The following HAO2 variants were observed in gnomAD, a reference collection of about 807,000 sequenced individuals.
HAO2 encodes 2-Hydroxyacid oxidase 2.
Under a neutral mutation model 37.4 loss-of-function variants are expected in HAO2, and 42 were observed. The ratio of observed to expected loss-of-function variants is 1.12; its 90% CI spans 0.88 to 1.45. The LOEUF (loss-of-function observed/expected upper bound fraction) is 1.45. HAO2 is among the 40% of genes most tolerant of loss of function. The pLI, the probability that HAO2 is intolerant of heterozygous loss-of-function variation, is 0.00. For missense variants in HAO2, 476 were observed against 430.2 expected (o/e 1.11, Z -0.94); for synonymous variants, 180 against 162.8 (o/e 1.11, Z -0.81).
At chr1:119,392,522 A>G (rs1174172259) in intron 6 of HAO2, 96 bp from the exon 7 acceptor site, 3 of 869,864 alleles carry the variant, frequency 3.4e-6, no homozygotes, top group East Asian at 2.4e-5. Context: ...CATCTTTCCC[A>G]TTATAGCTCT....
rs1557847151 is a variant in HAO2 at position 119,381,080 on chromosome 1, C to T, written c.-6C>T. 4 of 1,613,282 alleles carry T rather than the reference C, an allele frequency of 2.5e-6. No homozygotes were observed. Among genetic ancestry groups the T allele is most frequent in the Non-Finnish European group, 3.4e-6 (4 of 1,179,256 alleles). The stretch of plus-strand genomic sequence containing the variant: ...TGGTTTTGTTTTCTCCTTGGAAGGT[C>T]CAGAAATGTCCTTGGTGTGTTTGAC... On this transcript the variant is annotated splice_region_variant and 5_prime_UTR_variant, in exon 2 of 8. Coordinates refer to ENST00000325945, the MANE Select transcript of HAO2 (RefSeq NM_016527.4).
Position 119,374,215 on chromosome 1 carries a change from C to T in HAO2, c.-9+5313C>T, listed in dbSNP as rs951987593. On this transcript the variant is annotated intron_variant, in intron 1 of 7. Transcript: ENST00000325945. ...CAGTCACAGGAGCATTTTCCAGTGC[C>T]ATTGATTCATGTCTTCCCTGAACCC... Among the ~76,000 whole-genome samples the T allele has an allele frequency of 5.3e-5, 8 of 152,214 alleles. No individual in the cohort carries two copies. The South Asian group carries it at 1.7e-3, about 32-fold the overall frequency.
chr1:119,387,052 C>T (rs1650447222), intron 5 of HAO2, among the ~76,000 whole-genome samples: 2 of 152,144 alleles, frequency 1.3e-5, no homozygotes, highest in African/African-American at 4.8e-5. Context: ...ATCTCTAAGT[C>T]TCATGCCAAT....
At chr1:119,385,880 A>C in intron 4 of HAO2, 3 of 984,838 alleles carry the variant, frequency 3.0e-6, no homozygotes, top group Non-Finnish European at 3.6e-6. Context: ...TTTGATGTAC[A>C]TGGTGAGCCA....
In HAO2 at chr1:119,384,897, G is replaced by A. The variant is rs1650256728; in HGVS notation, c.405G>A (p.Leu135=). 6.2e-7 allele frequency: 1 copy of A among 1,613,892 alleles called. No individual in the cohort carries two copies. Among genetic ancestry groups the A allele is most frequent in the South Asian group, 1.1e-5 (1 of 91,080 alleles). The stretch of plus-strand genomic sequence containing the variant: ...TCCAACTCTATGTGCATCCAGACCT[G>A]CAGCTGAACAAACAGTTGATCCAGA... ...RWFQLYVHPD[L]QLNKQLIQRV... is the part of the protein sequence containing the mutation. Residue 135 remains leucine (L), a synonymous_variant, in exon 4 of 8, where the codon CTG becomes CTA. Coordinates refer to ENST00000325945, the MANE Select transcript of HAO2 (RefSeq NM_016527.4).
At position 119,393,947 on chromosome 1, in the gene HAO2, C is replaced by G; in HGVS notation, c.*107C>G. 6.3e-7 allele frequency: 1 copy of G among 1,577,904 alleles called. No homozygotes were observed. Among genetic ancestry groups the G allele is most frequent in the African/African-American group, 1.3e-5 (1 of 74,112 alleles). On this transcript the variant is annotated 3_prime_UTR_variant, in exon 8 of 8. Coordinates refer to ENST00000325945, the MANE Select transcript of HAO2 (RefSeq NM_016527.4). ...TCCTGGACCCCATTCTGTCCGGAGGCTCATGGCCCATATTTCCCACATTTC... is the reference window on the plus strand; with the variant it reads ...TCCTGGACCCCATTCTGTCCGGAGGGTCATGGCCCATATTTCCCACATTTC...
rs1480350665 is a variant in HAO2 at position 119,386,657 on chromosome 1, C to T, written c.597C>T (p.Ile199=). 4 of 1,612,034 alleles carry T rather than the reference C, an allele frequency of 2.5e-6. No individual in the cohort carries two copies. In the African/African-American group the frequency reaches 5.3e-5, roughly 22 times the overall value. Residue 199 remains isoleucine, a synonymous_variant, in exon 5 of 8, where the codon ATC becomes ATT. Transcript: ENST00000325945. Reference sequence around the variant, plus strand: ...TACCTTATTTCCAGATGACTCCTATCAGCACTTCTCTCTGCTGGAATGATC... The same window carrying T: ...TACCTTATTTCCAGATGACTCCTATTAGCACTTCTCTCTGCTGGAATGATC... ...NAIPYFQMTP[I]STSLCWNDLS... is the part of the protein sequence containing the mutation.
chr1:119,386,537 A>G, intron 4 of HAO2, 85 bp from the exon 5 acceptor site: 1 of 829,664 alleles, frequency 1.2e-6, no homozygotes, highest in South Asian at 1.4e-5. Flanking sequence ...TATAAATGGC[A>G]GCTCTCTAAA....
intron 5 of HAO2, among the ~76,000 whole-genome samples, chr1:119,389,754 C>T (rs1650724068): frequency 6.6e-6 from 1 of 151,712 alleles, no homozygotes; most frequent in African/African-American, 2.4e-5. Flanking sequence ...GTTTACTCTG[C>T]AGACTGTTCC....
rs1478600739 is a variant in HAO2 at position 119,383,021 on chromosome 1, T to C, written c.238T>C (p.Phe80Leu). 6.2e-7 allele frequency: 1 copy of C among 1,613,152 alleles called. No individual in the cohort carries two copies. Among genetic ancestry groups the C allele is most frequent in the Admixed American group, 1.7e-5 (1 of 59,970 alleles). The part of the protein sequence containing the change: ...SAPICIAPTG[F>L]HCLVWPDGEM... ...CCCTATTTGTATCGCACCCACAGGG[T>C]TCCACTGCCTTGTCTGGCCTGATGG... Residue 80 changes from phenylalanine (F) to leucine (L), a missense_variant, in exon 3 of 8, where the codon TTC (phenylalanine) becomes CTC (leucine). By Grantham distance (22) the Phe-to-Leu change is conservative. Coordinates refer to ENST00000325945, the MANE Select transcript of HAO2 (RefSeq NM_016527.4).
intron 1 of HAO2, among the ~76,000 whole-genome samples, chr1:119,376,799 C>CTT (rs1484231313): frequency 6.6e-6 from 1 of 152,244 alleles, no homozygotes; most frequent in Non-Finnish European, 1.5e-5. Context: ...CTGAGCTGTA[C>CTT]TTTGGCCCCT....
At chr1:119,387,748 A>G (rs1234197461) in intron 5 of HAO2, among the ~76,000 whole-genome samples, 1 of 152,218 alleles carries the variant, frequency 6.6e-6, no homozygotes, top group Non-Finnish European at 1.5e-5. Flanking sequence ...TGAACAGACA[A>G]CTATATAACC....
intron 5 of HAO2, among the ~76,000 whole-genome samples, chr1:119,387,946 ACCT>A (rs1650516888): frequency 6.6e-6 from 1 of 152,220 alleles, no homozygotes; most frequent in Admixed American, 6.5e-5. Context: ...CCAGCCACTC[ACCT>A]CCTCCTCTGC....
intron 3 of HAO2, among the ~76,000 whole-genome samples, chr1:119,383,613 C>A (rs1207434649): frequency 1.3e-5 from 2 of 152,038 alleles, no homozygotes; most frequent in Non-Finnish European, 2.9e-5. Flanking sequence ...CCCAGTCAAC[C>A]TAATTCTCAT....
At chr1:119,378,033 T>C (rs1649619177) in intron 1 of HAO2, among the ~76,000 whole-genome samples, 1 of 151,368 alleles carries the variant, frequency 6.6e-6, no homozygotes. Flanking sequence ...TGCTAAGCTT[T>C]ACATACATTA....
intron 1 of HAO2, among the ~76,000 whole-genome samples, chr1:119,376,651 C>T (rs1055562033): frequency 6.6e-6 from 1 of 152,258 alleles, no homozygotes; most frequent in Non-Finnish European, 1.5e-5. Flanking sequence ...TCTGCCTGGA[C>T]ATCCAAGTGT....
intron 5 of HAO2, among the ~76,000 whole-genome samples, chr1:119,388,177 T>C (rs1238465431): frequency 1.3e-5 from 2 of 152,210 alleles, no homozygotes; most frequent in Non-Finnish European, 2.9e-5. Context: ...AGCCATCCAG[T>C]ATTTAGCAAA....
In HAO2 at chr1:119,386,795, C is replaced by A. The variant is rs1259095775; in HGVS notation, c.735C>A (p.Asn245Lys). ...KHNVQGIIVS[N>K]HGGRQLDEVL... ...ATGTCCAGGGTATCATTGTTTCCAA[C>A]CATGGTGGGAGGCAGCTTGATGAGG... Residue 245 changes from asparagine (N) to lysine (K), a missense_variant, in exon 5 of 8, where the codon AAC (asparagine) becomes AAA (lysine). Physicochemically the swap from Asn to Lys is moderately conservative, Grantham distance 94. Coordinates refer to ENST00000325945, the MANE Select transcript of HAO2 (RefSeq NM_016527.4). The A allele has an allele frequency of 6.2e-7, 1 of 1,613,440 alleles. No homozygotes were observed. Among genetic ancestry groups the A allele is most frequent in the Non-Finnish European group, 8.5e-7 (1 of 1,179,582 alleles).
chr1:119,386,762 G>A lies in HAO2; in HGVS notation c.702G>A (p.Val234=). The change falls in exon 5 of 8, where the codon GTG becomes GTA. Residue 234 remains valine, a synonymous_variant. Transcript: ENST00000325945. ...CAAAAGAGGATGCAGAGTTAGCTGT[G>A]AAGCACAATGTCCAGGGTATCATTG... is the stretch of plus-strand genomic sequence containing the variant. ...ILTKEDAELA[V]KHNVQGIIVS... 1.2e-6 allele frequency: 2 copies of A among 1,613,850 alleles called. No individual in the cohort carries two copies. Among genetic ancestry groups the A allele is most frequent in the Non-Finnish European group, 1.7e-6 (2 of 1,179,756 alleles).
Sources: allele counts gnomAD v4.1 joint callset (sites outside exome capture counted in the v4.1 genomes callset), GRCh38; gene constraint gnomAD v4.1.1; transcripts MANE v1.5; gene names NCBI Gene and HGNC (gene_info 2026-07-23, HGNC 2026-07-21).